The following BICC1 variants were observed in gnomAD, a reference collection of about 807,000 sequenced individuals.
The protein encoded by BICC1 is BicC family RNA binding protein 1.
BICC1 carries 43 observed loss-of-function variants against 111.0 expected under a neutral mutation model. The ratio of observed to expected loss-of-function variants is 0.39; its 90% CI spans 0.30 to 0.50. BICC1 has a LOEUF of 0.50. BICC1 is among the 20% of genes least tolerant of loss of function. The pLI is 0.88. For missense variants in BICC1, 1,091 were observed against 1,203.2 expected, an observed-to-expected ratio of 0.91 and a Z score of 1.38; for synonymous variants, 467 against 434.4, an observed-to-expected ratio of 1.07 and a Z score of -0.93.
At chr10:58,672,566 T>G (rs779762269) in intron 2 of BICC1, among the ~76,000 whole-genome samples, 1 of 152,146 alleles carries the variant, frequency 6.6e-6, no homozygotes, top group Non-Finnish European at 1.5e-5. Flanking sequence ...ACTTTGTAAA[T>G]TTTTCATGAC....
intron 2 of BICC1, among the ~76,000 whole-genome samples, chr10:58,678,068 G>T (rs1839399485): frequency 6.6e-6 from 1 of 152,126 alleles, no homozygotes; most frequent in East Asian, 1.9e-4. Context: ...GGAAAAAACG[G>T]GACCAGCTGC....
Position 58,817,444 on chromosome 10 carries a change from T to C in BICC1, c.2534-118T>C, listed in dbSNP as rs1053715552. The C allele has an allele frequency of 2.7e-5, 29 of 1,080,630 alleles. No individual in the cohort carries two copies. In the East Asian group the frequency reaches 5.2e-4, roughly 19 times the overall value. 66.9% of individuals were successfully genotyped at this position (1,080,630 alleles called of 1,614,324 possible). On this transcript the variant is annotated intron_variant, in intron 18 of 20. Transcript: ENST00000373886. ...TAAAGGATTGCTGTATTTCTACAGC[T>C]ACTGCCCTATTCAGCTGAACAATGG...
At chr10:58,700,643 C>G (rs1840205272) in intron 2 of BICC1, among the ~76,000 whole-genome samples, 1 of 152,132 alleles carries the variant, frequency 6.6e-6, no homozygotes, top group Non-Finnish European at 1.5e-5. Context: ...AGAAATATTG[C>G]TCTGAGAAAA....
At chr10:58,806,929 C>A in intron 16 of BICC1, 75 bp from the exon 17 acceptor site, 1 of 1,335,732 alleles carries the variant, frequency 7.5e-7, no homozygotes, top group Non-Finnish European at 1.0e-6. Flanking sequence ...ATCAAAGAAA[C>A]GACACTTATC....
intron 1 of BICC1, among the ~76,000 whole-genome samples, chr10:58,557,500 T>G (rs938950665): frequency 2.0e-5 from 3 of 152,094 alleles, no homozygotes; most frequent in African/African-American, 7.2e-5. Context: ...TATATTCGAC[T>G]GCTTGATGTT....
intron 3 of BICC1, among the ~76,000 whole-genome samples, chr10:58,709,190 A>C (rs1840494458): frequency 6.6e-6 from 1 of 152,030 alleles, no homozygotes; most frequent in African/African-American, 2.4e-5. Context: ...GTAACTGTTA[A>C]CCAACCTTTC....
intron 17 of BICC1, among the ~76,000 whole-genome samples, chr10:58,808,561 G>C (rs1036341387): frequency 6.6e-6 from 1 of 152,098 alleles, no homozygotes; most frequent in African/African-American, 2.4e-5. Flanking sequence ...TCAAGTTCAG[G>C]GTTCTGATAA....
At position 58,574,491 on chromosome 10, in the gene BICC1, A is replaced by G. The variant is rs151084969; in HGVS notation, c.191-46364A>G. Among the ~76,000 whole-genome samples, 20 of 143,342 alleles carry G rather than the reference A, an allele frequency of 1.4e-4. No homozygotes were observed. In the East Asian group the frequency reaches 1.7e-3, roughly 12 times the overall value. 94.0% of individuals were successfully genotyped at this position (143,342 alleles called of 152,430 possible). ...ACATGTATTGATATGTTAAAGTACT[A>G]TGTGTTCACAAATACAAGCTTAATT... is the stretch of plus-strand genomic sequence containing the variant. On this transcript the variant is annotated intron_variant, in intron 1 of 20. Transcript: ENST00000373886.
intron 20 of BICC1, among the ~76,000 whole-genome samples, chr10:58,826,384 C>A (rs1053165071): frequency 2.0e-5 from 3 of 152,084 alleles, no homozygotes; most frequent in Admixed American, 2.0e-4. Flanking sequence ...AGACTATACA[C>A]CTGAACAGGT....
intron 2 of BICC1, among the ~76,000 whole-genome samples, chr10:58,645,506 C>G (rs1486341231): frequency 6.6e-6 from 1 of 150,696 alleles, no homozygotes; most frequent in African/African-American, 2.4e-5. Flanking sequence ...GATGAACGTG[C>G]TTTCAAAAAT....
chr10:58,676,720 G>A (rs1396991450), intron 2 of BICC1, among the ~76,000 whole-genome samples: 1 of 152,190 alleles, frequency 6.6e-6, no homozygotes, highest in Non-Finnish European at 1.5e-5. Context: ...GCCTCCTCAA[G>A]TGGGTCTCTG....
At chr10:58,796,274 C>T (rs1843349474) in intron 9 of BICC1, 66 bp from the exon 10 acceptor site, 2 of 1,365,252 alleles carry the variant, frequency 1.5e-6, no homozygotes, top group Non-Finnish European at 2.1e-6. Context: ...CCACCTCCCT[C>T]CCCTCCCCCA....
At chr10:58,661,846 G>A (rs182380463) in intron 2 of BICC1, among the ~76,000 whole-genome samples, 85 of 152,214 alleles carry the variant, frequency 5.6e-4, no homozygotes, top group African/African-American at 1.9e-3. Context: ...ATGAGGCATT[G>A]AAATTTGGTA....
Position 58,625,390 on chromosome 10 carries a change from A to G in BICC1, c.237+4489A>G, listed in dbSNP as rs544084261. 2.6e-5 allele frequency among the ~76,000 whole-genome samples: 4 copies of G among 152,340 alleles called. No individual in the cohort carries two copies. In the South Asian group the frequency reaches 8.3e-4, roughly 32 times the overall value. On this transcript the variant is annotated intron_variant, in intron 2 of 20. Transcript: ENST00000373886. ...CATGTGACTCATCAAAGCAAACTGCATTAGGAATCTGTAATCCCAATGGTT... is the reference window on the plus strand; with the variant it reads ...CATGTGACTCATCAAAGCAAACTGCGTTAGGAATCTGTAATCCCAATGGTT...
chr10:58,638,467 C>T (rs575372444), intron 2 of BICC1, among the ~76,000 whole-genome samples: 16 of 152,320 alleles, frequency 1.1e-4, no homozygotes, highest in Admixed American at 4.6e-4. Context: ...CTCTTGCCTT[C>T]TTTGCTTTCT....
rs960401320 is a variant in BICC1, at chr10:58,732,248, G to A, written c.307+30105G>A. 8.0e-5 allele frequency among the ~76,000 whole-genome samples: 12 copies of A among 149,454 alleles called. No individual in the cohort carries two copies. The East Asian group carries it at 9.9e-4, about 12-fold the overall frequency. On this transcript the variant is annotated intron_variant, in intron 3 of 20. Coordinates refer to ENST00000373886, the MANE Select transcript of BICC1 (RefSeq NM_001080512.3). ...CTTAGGGAATAAGGAGGCCCAAGGC[G>A]GCGGGTGGGGATGGGGAGAGAGAGA...
chr10:58,714,657 T>TTCC (rs1219764629), intron 3 of BICC1, among the ~76,000 whole-genome samples: 2 of 152,130 alleles, frequency 1.3e-5, no homozygotes, highest in Non-Finnish European at 2.9e-5. Context: ...GTGCTGTAAA[T>TTCC]TCCTGTCTTG....
chr10:58,829,113 C>A lies in BICC1; in HGVS notation c.*222C>A. The A allele has an allele frequency of 2.5e-6, 1 of 402,174 alleles. No homozygotes were observed. The highest frequency in any genetic ancestry group is 4.3e-6 in the Non-Finnish European group (1 of 232,348). The allele number at this position is 402,174 out of a possible 1,614,324, so 24.9% of individuals were successfully genotyped here. ...AATATGGATTACTTTTTTAAAATGG[C>A]AGTTGGACAGAATTTGCAATATAAG... On this transcript the variant is annotated 3_prime_UTR_variant, in exon 21 of 21. Transcript: ENST00000373886.
chr10:58,550,856 T>C lies in BICC1; in HGVS notation c.190+37523T>C, dbSNP rs527934055. Among the ~76,000 whole-genome samples the C allele has an allele frequency of 1.8e-4, 28 of 152,306 alleles. 1 individual carries two copies. Among genetic ancestry groups the C allele is most frequent in the Admixed American group, 1.6e-3 (25 of 15,296 alleles). ...GGAGTTTGATTTTAATTGGTATTAA[T>C]TTTTATTTGGGGTTTGAGAAAGAGG... is the stretch of plus-strand genomic sequence containing the variant. On this transcript the variant is annotated intron_variant, in intron 1 of 20. Coordinates refer to ENST00000373886, the MANE Select transcript of BICC1 (RefSeq NM_001080512.3).
Sources: gnomAD v4.1 joint callset for allele counts (sites outside exome capture counted in the v4.1 genomes callset) on GRCh38, gnomAD v4.1.1 for gene constraint, MANE v1.5 for transcripts, NCBI Gene and HGNC (gene_info 2026-07-23, HGNC 2026-07-21) for gene names.